The following RNF135 variants were observed in gnomAD, a reference collection of about 807,000 sequenced individuals.
RNF135 encodes the protein ring finger protein 135.
A neutral mutation model predicts 41.9 loss-of-function variants in RNF135; 46 were observed. The observed-to-expected ratio is 1.10, with a 90% CI of 0.87 to 1.40. The LOEUF is 1.40. Ranked by LOEUF, RNF135 falls within the 40% of genes most tolerant of loss-of-function variation. The pLI is 0.00. For synonymous variants in RNF135, 238 were observed against 223.8 expected, an observed-to-expected ratio of 1.06 and a Z score of -0.57; for missense variants, 539 against 549.8, an observed-to-expected ratio of 0.98 and a Z score of 0.20.
At chr17:30,969,465 C>G (rs1905707203), upstream of RNF135, 1 of 152,214 alleles carries the variant, frequency 6.6e-6, no homozygotes, top group Non-Finnish European at 1.5e-5. Flanking sequence ...GGCAGGGAGT[C>G]TGCTCATCTT....
At chr17:30,970,500 T>C (rs1007156105), upstream of RNF135, 2 of 154,072 alleles carry the variant, frequency 1.3e-5, no homozygotes, top group Non-Finnish European at 2.9e-5. Flanking sequence ...AAAATACCCG[T>C]GCTCCACCCA....
chr17:30,983,353 A>ATATTTTTTT (rs1420453160), intron 1 of RNF135, among the ~76,000 whole-genome samples: 1 of 35,734 alleles, frequency 2.8e-5, no homozygotes, highest in Non-Finnish European at 5.4e-5. Flanking sequence ...ATATATATAT[A>ATATTTTTTT]TTTTTTTTTT....
At chr17:30,966,036 T>A (rs1257268941), upstream of RNF135, among the ~76,000 whole-genome samples, 1 of 152,218 alleles carries the variant, frequency 6.6e-6, no homozygotes, top group Non-Finnish European at 1.5e-5. Context: ...TTATAGAAAT[T>A]GTGTCAACAT....
chr17:30,970,977 AAGG>A (rs779691526), upstream of RNF135: 19 of 1,493,624 alleles, frequency 1.3e-5, no homozygotes, highest in Non-Finnish European at 1.5e-5. Flanking sequence ...CGGCCGAGAA[AAGG>A]AGGAGGGCAA....
chr17:30,968,472 G>A (rs578086904), upstream of RNF135, among the ~76,000 whole-genome samples: 4 of 148,668 alleles, frequency 2.7e-5, no homozygotes, highest in African/African-American at 9.9e-5. Flanking sequence ...TGCAAGCTCC[G>A]CCTCCTGGGT....
At chr17:30,998,610 C>A in intron 4 of RNF135, 52 bp from the exon 5 acceptor site, 1 of 1,569,696 alleles carries the variant, frequency 6.4e-7, no homozygotes, top group Non-Finnish European at 8.8e-7. Flanking sequence ...TTAGCATGGA[C>A]CATCAAAAGA....
In RNF135 at chr17:30,990,696, C is replaced by T. The variant is rs1003643308; in HGVS notation, c.679+2590C>T. Among the ~76,000 whole-genome samples the T allele has an allele frequency of 2.6e-5, 4 of 152,108 alleles. No homozygotes were observed. In the East Asian group the frequency reaches 7.7e-4, roughly 29 times the overall value. On this transcript the variant is annotated intron_variant, in intron 3 of 4. Transcript: ENST00000328381. ...AATATGAATTTATATTTTTATTTCTCCCAATCTTTTTTTAATACACAAAAG... is the reference window on the plus strand; with the variant it reads ...AATATGAATTTATATTTTTATTTCTTCCAATCTTTTTTTAATACACAAAAG...
the RNF135 span, among the ~76,000 whole-genome samples, chr17:30,962,186 G>A: frequency 6.6e-6 from 1 of 151,246 alleles, no homozygotes; most frequent in Admixed American, 6.6e-5. Flanking sequence ...AGGCTGGAGT[G>A]CAGTAGAGTG....
In RNF135 at chr17:30,984,604, T is replaced by G. The variant is rs746370673; in HGVS notation, c.373-13T>G. ...TTTATAGAACCCAGGACCTGAACTT[T>G]GCTATTTTGAAGGTGGCAGTAGAGA... is the stretch of plus-strand genomic sequence containing the variant. On this transcript the variant is annotated splice_polypyrimidine_tract_variant and intron_variant, in intron 1 of 4. Coordinates refer to ENST00000328381, the MANE Select transcript of RNF135 (RefSeq NM_032322.4). 1 of 1,614,166 alleles carries G rather than the reference T, an allele frequency of 6.2e-7. No individual in the cohort carries two copies. Among genetic ancestry groups the G allele is most frequent in the Admixed American group, 1.7e-5 (1 of 60,016 alleles).
upstream of RNF135, among the ~76,000 whole-genome samples, chr17:30,967,716 T>C (rs1905608660): frequency 6.6e-6 from 1 of 151,802 alleles, no homozygotes; most frequent in Admixed American, 6.6e-5. Context: ...TTTTTTTTTT[T>C]TTTGAGACGG....
At chr17:30,979,720 C>A (rs1298835337) in intron 1 of RNF135, among the ~76,000 whole-genome samples, 3 of 129,768 alleles carry the variant, frequency 2.3e-5, no homozygotes, top group African/African-American at 8.8e-5. Context: ...GCTGACCCCC[C>A]CCACCTCCCT....
intron 3 of RNF135, among the ~76,000 whole-genome samples, chr17:30,995,835 C>A (rs1908317113): frequency 6.6e-6 from 1 of 151,342 alleles, no homozygotes; most frequent in Non-Finnish European, 1.5e-5. Flanking sequence ...CTCACCGCAA[C>A]CTCTGCCTCC....
In RNF135 at chr17:30,999,356, C is replaced by G. The variant is rs1419599699; in HGVS notation, c.*165C>G. The G allele has an allele frequency of 4.1e-6, 3 of 735,628 alleles. No homozygotes were observed. The highest frequency in any genetic ancestry group is 6.8e-6 in the Non-Finnish European group (3 of 438,726). 45.6% of individuals were successfully genotyped at this position (735,628 alleles called of 1,614,324 possible). A position where few individuals can be genotyped will look rare whatever the true frequency, so the allele number is the denominator to read the frequency against. On this transcript the variant is annotated 3_prime_UTR_variant, in exon 5 of 5. Transcript: ENST00000328381. ...GTCGAATTCCTGGTCTCAAGCAGTC[C>G]TCCCACCTCAGCCTCCCAAGGTGCT...
chr17:30,998,411 G>A (rs1371997766), intron 4 of RNF135, among the ~76,000 whole-genome samples: 1 of 152,082 alleles, frequency 6.6e-6, no homozygotes, highest in East Asian at 1.9e-4. Context: ...AATATAATAA[G>A]TGTACATATT....
chr17:30,978,482 T>C (rs1906655701), intron 1 of RNF135: 1 of 152,200 alleles, frequency 6.6e-6, no homozygotes, highest in South Asian at 2.1e-4. Flanking sequence ...GCTCACTAAT[T>C]CTTTCTAATA....
At chr17:30,989,757 T>G (rs948517901) in intron 3 of RNF135, among the ~76,000 whole-genome samples, 3 of 152,180 alleles carry the variant, frequency 2.0e-5, no homozygotes, top group African/African-American at 7.2e-5. Context: ...CCCAGCACTT[T>G]GGGAGGCCGA....
At chr17:30,971,724 T>C in intron 1 of RNF135, 1 of 1,305,726 alleles carries the variant, frequency 7.7e-7, no homozygotes, top group East Asian at 3.4e-5. Context: ...TCGGTCTCTT[T>C]CTCTGAAACT....
At chr17:30,983,278 G>A (rs1424309861) in intron 1 of RNF135, among the ~76,000 whole-genome samples, 2 of 135,988 alleles carry the variant, frequency 1.5e-5, no homozygotes, top group African/African-American at 5.2e-5. Context: ...ATCCGGAAGT[G>A]GAATTGCTAA....
At chr17:30,961,054 C>G in the RNF135 span, among the ~76,000 whole-genome samples, 1 of 152,054 alleles carries the variant, frequency 6.6e-6, no homozygotes, top group Non-Finnish European at 1.5e-5. Flanking sequence ...TTTTTAAAGA[C>G]TGGATTCTTT....
Sources: allele counts gnomAD v4.1 joint callset (sites outside exome capture counted in the v4.1 genomes callset), GRCh38; gene constraint gnomAD v4.1.1; transcripts MANE v1.5; gene names NCBI Gene and HGNC (gene_info 2026-07-23, HGNC 2026-07-21).